The following SSPN variants were observed in gnomAD, a reference collection of about 807,000 sequenced individuals.
The protein encoded by SSPN is K-ras oncogene-associated protein.
SSPN carries 15 observed loss-of-function variants against 19.1 expected under a neutral mutation model. That is an observed-to-expected ratio of 0.78 (90% CI 0.52 to 1.21). SSPN has a LOEUF of 1.21. Ranked by LOEUF, SSPN falls within the 50% of genes most tolerant of loss-of-function variation. The pLI, the probability that SSPN is intolerant of heterozygous loss-of-function variation, is 0.00. For synonymous variants in SSPN, 147 were observed against 140.3 expected (o/e 1.05, Z -0.34); for missense variants, 291 against 314.0 (o/e 0.93, Z 0.55).
upstream of SSPN, among the ~76,000 whole-genome samples, chr12:26,194,544 C>T (rs1203298486): frequency 6.6e-6 from 1 of 152,234 alleles, no homozygotes; most frequent in Admixed American, 6.5e-5. Context: ...TGCCACCACG[C>T]CTGTCTAATT....
At chr12:26,173,719 T>C (rs368741699) in intron 1 of SSPN, among the ~76,000 whole-genome samples, 1 of 152,248 alleles carries the variant, frequency 6.6e-6, no homozygotes, top group African/African-American at 2.4e-5. Flanking sequence ...AATCATTGAT[T>C]GACAAGCCAT....
intron 1 of SSPN, among the ~76,000 whole-genome samples, chr12:26,142,506 T>C (rs1215887466): frequency 6.6e-6 from 1 of 152,140 alleles, no homozygotes; most frequent in Non-Finnish European, 1.5e-5. Flanking sequence ...CAGAGAGTAG[T>C]ACCTTCAATA....
intron 1 of SSPN, among the ~76,000 whole-genome samples, chr12:26,199,015 G>A (rs1591875630): frequency 6.6e-6 from 1 of 152,294 alleles, no homozygotes; most frequent in East Asian, 1.9e-4. Context: ...AACTTTCCAT[G>A]CTTCATTCTT....
chr12:26,169,194 C>A (rs1489908932), intron 1 of SSPN, among the ~76,000 whole-genome samples: 1 of 148,900 alleles, frequency 6.7e-6, no homozygotes, highest in Non-Finnish European at 1.5e-5. Context: ...TTTCTACTAA[C>A]TTTTTTTTTT....
chr12:26,224,592 C>A (rs1430831298), intron 2 of SSPN, among the ~76,000 whole-genome samples: 1 of 151,410 alleles, frequency 6.6e-6, no homozygotes, highest in Non-Finnish European at 1.5e-5. Flanking sequence ...ACTGGGTTGG[C>A]CTGGAGGATA....
rs147226995 is a variant in SSPN, at chr12:26,145,869, G to C, written c.-31+23717G>C. On this transcript the variant is annotated intron_variant, in intron 1 of 2. Coordinates refer to the SSPN transcript ENST00000538142. ...TCATGCCCCGTAAACTCATGGTGCAGTTCACTGCTTTGGTGCTACAGCTGG... is the reference window on the plus strand; with the variant it reads ...TCATGCCCCGTAAACTCATGGTGCACTTCACTGCTTTGGTGCTACAGCTGG... Among the ~76,000 whole-genome samples, 149 of 152,314 alleles carry C rather than the reference G, an allele frequency of 9.8e-4. 1 individual carries two copies. The highest frequency in any genetic ancestry group is 3.5e-3 in the African/African-American group (147 of 41,570).
rs79307968 is a variant in SSPN at position 26,231,623 on chromosome 12, G to A, written c.*547G>A. On this transcript the variant is annotated 3_prime_UTR_variant, in exon 3 of 3. Transcript: ENST00000242729. The stretch of plus-strand genomic sequence containing the variant: ...ATAGCTTAAAGAGCAGAGTAGAAAC[G>A]GAAGAGGCTTTGCAAAAGGCTAGAT... The A allele has an allele frequency of 0.058, 8,863 of 152,592 alleles. 350 individuals are homozygous for A. Among genetic ancestry groups the A allele is most frequent in the Non-Finnish European group, 0.09 (6,134 of 68,318 alleles). 9.5% of individuals were successfully genotyped at this position (152,592 alleles called of 1,614,324 possible). A position where few individuals can be genotyped will look rare whatever the true frequency, so the allele number is the denominator to read the frequency against.
At chr12:26,189,626 A>C (rs1944775739) in intron 1 of SSPN, among the ~76,000 whole-genome samples, 1 of 152,148 alleles carries the variant, frequency 6.6e-6, no homozygotes, top group African/African-American at 2.4e-5. Context: ...CCTTGACTTT[A>C]TATTGTCCCT....
At chr12:26,155,033 T>A (rs1375557306) in intron 1 of SSPN, among the ~76,000 whole-genome samples, 1 of 152,208 alleles carries the variant, frequency 6.6e-6, no homozygotes, top group South Asian at 2.1e-4. Context: ...TCTAGATCTC[T>A]ATCAGACTAC....
chr12:26,171,446 A>G (rs1369099488), intron 1 of SSPN, among the ~76,000 whole-genome samples: 1 of 152,206 alleles, frequency 6.6e-6, no homozygotes, highest in African/African-American at 2.4e-5. Flanking sequence ...GCAAAACTGT[A>G]TTCTTAATAA....
chr12:26,176,290 A>G (rs1201420863), intron 1 of SSPN, among the ~76,000 whole-genome samples: 1 of 152,218 alleles, frequency 6.6e-6, no homozygotes, highest in Non-Finnish European at 1.5e-5. Flanking sequence ...AACCTTTTAT[A>G]GATAGAAGAC....
intron 1 of SSPN, among the ~76,000 whole-genome samples, chr12:26,174,206 C>G (rs1565678274): frequency 6.6e-6 from 1 of 152,186 alleles, no homozygotes; most frequent in Non-Finnish European, 1.5e-5. Flanking sequence ...GTCAAACTCA[C>G]ACTTTCAAGG....
chr12:26,173,847 T>A (rs780356337), intron 1 of SSPN, among the ~76,000 whole-genome samples: 12 of 152,364 alleles, frequency 7.9e-5, no homozygotes, highest in Admixed American at 2.6e-4. Context: ...CTTACGTGGA[T>A]GATTAAACTT....
At chr12:26,184,910 A>C (rs1263343837) in intron 1 of SSPN, among the ~76,000 whole-genome samples, 1 of 152,180 alleles carries the variant, frequency 6.6e-6, no homozygotes, top group South Asian at 2.1e-4. Flanking sequence ...CCATTTTTAC[A>C]TCTCAGTGAG....
chr12:26,165,846 T>C (rs762466197), intron 1 of SSPN, among the ~76,000 whole-genome samples: 1 of 152,196 alleles, frequency 6.6e-6, no homozygotes. Flanking sequence ...CAGGCTCACA[T>C]GAAGAATTAG....
At chr12:26,214,034 TA>T (rs1303163114) in intron 1 of SSPN, among the ~76,000 whole-genome samples, 1 of 152,184 alleles carries the variant, frequency 6.6e-6, no homozygotes, top group Non-Finnish European at 1.5e-5. Context: ...TGCTTATATT[TA>T]CATCTGTTAT....
rs749158423 is a variant in SSPN, at chr12:26,195,775, G to T, written c.103G>T (p.Ala35Ser). The T allele has an allele frequency of 6.6e-7, 1 of 1,506,906 alleles. No individual in the cohort carries two copies. The highest frequency in any genetic ancestry group is 8.8e-7 in the Non-Finnish European group (1 of 1,130,938). 93.3% of individuals were successfully genotyped at this position (1,506,906 alleles called of 1,614,324 possible). The change falls in exon 1 of 3, where the codon GCC becomes TCC. Residue 35 changes from alanine (A) to serine (S), a missense_variant. Physicochemically the swap from Ala to Ser is moderately conservative, Grantham distance 99 (BLOSUM62 1). This residue lies in a region of SSPN where 139 missense variants were observed against 119.6 expected (regional missense o/e 1.16). Coordinates refer to ENST00000242729, the MANE Select transcript of SSPN (RefSeq NM_005086.5). The stretch of plus-strand genomic sequence containing the variant: ...CATGGAGCCGAAGAAGGGCACGGGG[G>T]CCCCCAAGGAGTGCGGGGAGGAGGA... ...DDMEPKKGTG[A>S]PKECGEEEPR...
chr12:26,132,300 C>T (rs181749336), intron 1 of SSPN, among the ~76,000 whole-genome samples: 4 of 152,270 alleles, frequency 2.6e-5, no homozygotes, highest in African/African-American at 9.6e-5. Context: ...GAACTGTGCA[C>T]TGTGATGGGT....
chr12:26,234,745 C>G lies in SSPN; in HGVS notation c.*3669C>G, dbSNP rs1272872025. On this transcript the variant is annotated 3_prime_UTR_variant, in exon 3 of 3. Transcript: ENST00000242729. Reference sequence around the variant, plus strand: ...AGGGGATATGTGTAATGCAGATTTTCTTTATTAATAAAATTTTCATAATCT... The same window carrying G: ...AGGGGATATGTGTAATGCAGATTTTGTTTATTAATAAAATTTTCATAATCT... 6.6e-6 allele frequency: 1 copy of G among 152,172 alleles called. No homozygotes were observed. Among genetic ancestry groups the G allele is most frequent in the East Asian group, 1.9e-4 (1 of 5,204 alleles). 9.4% of individuals were successfully genotyped at this position (152,172 alleles called of 1,614,324 possible). A position where few individuals can be genotyped will look rare whatever the true frequency, so the allele number is the denominator to read the frequency against.
Sources: gnomAD v4.1 joint callset for allele counts (sites outside exome capture counted in the v4.1 genomes callset) on GRCh38, gnomAD v4.1.1 for gene constraint, gnomAD v4.1.1 regional missense constraint, MANE v1.5 for transcripts, NCBI Gene and HGNC (gene_info 2026-07-23, HGNC 2026-07-21) for gene names.